TEX11: variants seen among roughly 807,000 people sequenced by gnomAD.
The protein encoded by TEX11 is testis-expressed protein 11.
Under a neutral mutation model 84.4 loss-of-function variants are expected in TEX11, and 7 were observed. The ratio of observed to expected loss-of-function variants is 0.08; its 90% CI spans 0.05 to 0.16. The LOEUF (loss-of-function observed/expected upper bound fraction) is 0.16. Among genes scored for constraint, TEX11 ranks in the 10% least tolerant of loss-of-function variants. The pLI is 1.00. For synonymous variants in TEX11, 264 were observed against 222.8 expected (o/e 1.18, Z -1.64); for missense variants, 551 against 660.5 (o/e 0.83, Z 1.82).
At chrX:70,541,496 G>C (rs982152437) in intron 28 of TEX11, among the ~76,000 whole-genome samples, 1 of 111,457 alleles carries the variant, frequency 9.0e-6, no homozygotes, top group African/African-American at 3.3e-5. Flanking sequence ...ACTGGGTAAA[G>C]AGTACATGAG....
chrX:70,839,352 C>A (rs371340868), intron 7 of TEX11, among the ~76,000 whole-genome samples: 186 of 111,899 alleles, frequency 1.7e-3, no homozygotes, highest in South Asian at 0.013. Flanking sequence ...TGTTCTGCAG[C>A]CACCACTGCT....
intron 7 of TEX11, among the ~76,000 whole-genome samples, chrX:70,841,338 G>A (rs1193377320): frequency 4.9e-4 from 54 of 110,801 alleles, no homozygotes; most frequent in African/African-American, 1.7e-3. Flanking sequence ...ACTCAAAACC[G>A]CTCAACTACA....
rs771888908 is a variant in TEX11 at position 70,759,990 on chromosome X, A to G, written c.693-15771T>C. Reference sequence around the variant, plus strand: ...CAAGTACAGACAAACAGAGAGCCAAATCATGAGTGAACTCCCATTCACAAT... The same window carrying G: ...CAAGTACAGACAAACAGAGAGCCAAGTCATGAGTGAACTCCCATTCACAAT... On this transcript the variant is annotated intron_variant, in intron 9 of 29. Coordinates refer to ENST00000374333, the MANE Select transcript of TEX11 (RefSeq NM_031276.3). 3.6e-5 allele frequency among the ~76,000 whole-genome samples: 4 copies of G among 111,784 alleles called. No homozygotes were observed. The South Asian group carries it at 1.5e-3, about 42-fold the overall frequency.
chrX:70,570,591 A>G (rs1468771776), intron 25 of TEX11, among the ~76,000 whole-genome samples: 1 of 112,414 alleles, frequency 8.9e-6, no homozygotes, highest in African/African-American at 3.2e-5. Flanking sequence ...TATATTTGGA[A>G]TAATGTACTG....
At chrX:70,536,531 ATAAGGACGTAACTTTGCTTTT>A (rs200190024) in intron 28 of TEX11, among the ~76,000 whole-genome samples, 9,510 of 111,557 alleles carry the variant, frequency 0.085, 762 homozygotes, top group African/African-American at 0.25. Context: ...CAGTTTAAAA[ATAAGGACGTAACTTTGCTTTT>A]TAAATTGTCC....
At chrX:70,822,935 C>T (rs2091325701) in intron 8 of TEX11, among the ~76,000 whole-genome samples, 1 of 109,990 alleles carries the variant, frequency 9.1e-6, no homozygotes, top group South Asian at 4.0e-4. Context: ...GAGAGATCTG[C>T]CTTCATCACC....
Position 70,570,485 on chromosome X carries a change from C to A in TEX11, c.2141-15685G>T, listed in dbSNP as rs187369647. 7.1e-3 allele frequency among the ~76,000 whole-genome samples: 793 copies of A among 112,405 alleles called. 4 individuals are homozygous for A. Among genetic ancestry groups the A allele is most frequent in the African/African-American group, 0.025 (760 of 30,992 alleles). On this transcript the variant is annotated intron_variant, in intron 25 of 29. Transcript: ENST00000374333. ...ACCTCAGATGGAAATGCAGAAATCACCCGTCTTCTGCGTCGCTCACGCTGG... is the reference window on the plus strand; with the variant it reads ...ACCTCAGATGGAAATGCAGAAATCAACCGTCTTCTGCGTCGCTCACGCTGG...
chrX:70,864,247 C>T (rs889358803), intron 4 of TEX11, among the ~76,000 whole-genome samples: 2 of 111,061 alleles, frequency 1.8e-5, no homozygotes, highest in African/African-American at 6.5e-5. Flanking sequence ...CACTAAGATA[C>T]TCCTCAAGAA....
chrX:70,861,018 G>T, intron 4 of TEX11, 82 bp from the exon 5 acceptor site: 1 of 643,510 alleles, frequency 1.6e-6, no homozygotes, highest in Non-Finnish European at 2.3e-6. Context: ...GACAATTGAA[G>T]GAAGCCAGTT....
In TEX11 at chrX:70,750,943, T is replaced by A. The variant is rs1253405492; in HGVS notation, c.693-6724A>T. ...TAATAAAAAAAAAAAAATATATATA[T>A]ATATATATATATATATATATATAAA... On this transcript the variant is annotated intron_variant, in intron 9 of 29. Transcript: ENST00000374333. Among the ~76,000 whole-genome samples, 285 of 64,013 alleles carry A rather than the reference T, an allele frequency of 4.5e-3. 5 individuals are homozygous for A. Among genetic ancestry groups the A allele is most frequent in the African/African-American group, 0.02 (275 of 13,799 alleles). 55.6% of individuals were successfully genotyped at this position (64,013 alleles called of 115,157 possible). A position where few individuals can be genotyped will look rare whatever the true frequency, so the allele number is the denominator to read the frequency against.
At chrX:70,511,392 G>A in the TEX11 span, among the ~76,000 whole-genome samples, 1 of 111,919 alleles carries the variant, frequency 8.9e-6, no homozygotes. Flanking sequence ...CTTGGAGCTA[G>A]TCTGATATTA....
At chrX:70,876,046 A>T (rs1411591277) in intron 3 of TEX11, among the ~76,000 whole-genome samples, 1 of 112,467 alleles carries the variant, frequency 8.9e-6, no homozygotes, top group East Asian at 2.8e-4. Flanking sequence ...ACAAATGTAT[A>T]TGTGATGAAG....
intron 8 of TEX11, among the ~76,000 whole-genome samples, chrX:70,809,470 G>A (rs771128754): frequency 1.8e-5 from 2 of 109,847 alleles, no homozygotes; most frequent in Non-Finnish European, 3.8e-5. Context: ...ATGTGTTGGG[G>A]GTAGAGGGAA....
At chrX:70,639,127 G>C (rs1469571259) in intron 17 of TEX11, among the ~76,000 whole-genome samples, 1 of 111,989 alleles carries the variant, frequency 8.9e-6, no homozygotes, top group African/African-American at 3.2e-5. Context: ...GGGTCAGGGA[G>C]TTCCCTTTCC....
chrX:70,524,895 C>T (rs892152258), downstream of TEX11, among the ~76,000 whole-genome samples: 9 of 112,347 alleles, frequency 8.0e-5, no homozygotes, highest in Non-Finnish European at 1.5e-4. Context: ...GGAAGTAGGC[C>T]GGACATGGCG....
At chrX:70,728,449 C>T (rs2090616820) in intron 11 of TEX11, among the ~76,000 whole-genome samples, 3 of 112,933 alleles carry the variant, frequency 2.7e-5, no homozygotes, top group Admixed American at 1.9e-4. Flanking sequence ...CCTGGAAAAT[C>T]AGGTCACTCC....
chrX:70,761,855 A>G (rs184331896), intron 9 of TEX11, among the ~76,000 whole-genome samples: 116 of 111,670 alleles, frequency 1.0e-3, no homozygotes, highest in Non-Finnish European at 1.7e-3. Flanking sequence ...TACCTCAAGT[A>G]TTTAAAAATC....
intron 10 of TEX11, among the ~76,000 whole-genome samples, 168 bp from the exon 11 acceptor site, chrX:70,740,964 C>T (rs916887365): frequency 9.0e-6 from 1 of 111,452 alleles, no homozygotes. Context: ...CATCATTATG[C>T]TACCCATATA....
At chrX:70,789,722 C>G (rs1304581821) in intron 9 of TEX11, among the ~76,000 whole-genome samples, 1 of 111,996 alleles carries the variant, frequency 8.9e-6, no homozygotes, top group African/African-American at 3.2e-5. Context: ...TTATGGAAAA[C>G]TGTATAGAAG....
Sources: allele counts gnomAD v4.1 joint callset (sites outside exome capture counted in the v4.1 genomes callset), GRCh38; gene constraint gnomAD v4.1.1; transcripts MANE v1.5; gene names NCBI Gene and HGNC (gene_info 2026-07-23, HGNC 2026-07-21).